The following ANKRD18B variants were observed in gnomAD, a reference collection of about 807,000 sequenced individuals.
The protein encoded by ANKRD18B is ankyrin repeat domain-containing protein 18B.
In ANKRD18B, 75 loss-of-function variants were observed where a neutral mutation model predicts 111.8. That is an observed-to-expected ratio of 0.67 (90% confidence interval 0.56 to 0.81). The LOEUF (loss-of-function observed/expected upper bound fraction) is 0.81. Among genes scored for constraint, ANKRD18B ranks in the 40% least tolerant of loss-of-function variants. The probability of loss-of-function intolerance (pLI) is 0.00; values close to 1 mark genes in which losing one functional copy is unlikely to be tolerated. For missense variants in ANKRD18B, 1,038 were observed against 1,225.5 expected (o/e 0.85, Z 2.28); for synonymous variants, 356 against 417.3 (o/e 0.85, Z 1.79).
rs1326487362 is a variant in ANKRD18B, at chr9:33,568,695, C to CTGCT, written c.2979_2980insTGCT (p.Ser994CysfsTer2). The CTGCT allele has an allele frequency of 1.2e-5, 18 of 1,548,124 alleles. No homozygotes were observed. The highest frequency in any genetic ancestry group is 1.5e-5 in the Non-Finnish European group (17 of 1,145,648). ...GATCGGATAAGAAAATAGCTGTGAT[C>CTGCT]AGCACCAAGCTCTTTATGGAGAAAG... On this transcript the variant is annotated frameshift_variant, in exon 17 of 19. Transcript: ENST00000684830. LOFTEE classifies it high-confidence loss of function.
chr9:33,573,518 G>T (rs923068057), downstream of ANKRD18B, among the ~76,000 whole-genome samples: 1 of 144,970 alleles, frequency 6.9e-6, no homozygotes, highest in African/African-American at 2.4e-5. Context: ...AAGATGGCAT[G>T]TCCAGGCAGT....
Position 33,530,828 on chromosome 9 carries a change from A to C in ANKRD18B, c.495+1655A>C, listed in dbSNP as rs946582324. The stretch of plus-strand genomic sequence containing the variant: ...CATGAATCATTCACTGCCATTCAGA[A>C]AGTCTTTAGCAATTTACTTGTGGGT... On this transcript the variant is annotated intron_variant, in intron 3 of 18. Coordinates refer to ENST00000684830, the MANE Select transcript of ANKRD18B (RefSeq NM_001393611.1). Among the ~76,000 whole-genome samples, 26 of 152,322 alleles carry C rather than the reference A, an allele frequency of 1.7e-4. No individual in the cohort carries two copies. In the East Asian group the frequency reaches 1.7e-3, roughly 10 times the overall value.
rs112281766 is a variant in ANKRD18B at position 33,548,098 on chromosome 9, A to T, written c.1310A>T (p.Asn437Ile). The T allele has an allele frequency of 5.6e-3, 8,658 of 1,533,242 alleles. 349 individuals are homozygous for T. The African/African-American group carries it at 0.096, about 17-fold the overall frequency. The allele number at this position is 1,533,242 out of a possible 1,614,324, so 95.0% of individuals were successfully genotyped here. Residue 437 changes from asparagine to isoleucine, a missense_variant, in exon 11 of 19, where the codon AAT (asparagine) becomes ATT (isoleucine). Around this residue, in one of 4 missense-constraint regions of ANKRD18B, gnomAD observed 205 missense variants for 201.3 expected, o/e 1.02. Coordinates refer to ENST00000684830, the MANE Select transcript of ANKRD18B (RefSeq NM_001393611.1). ...GAAATTAAAAGTATTACAGAAATAA[A>T]TGCTAACTTTGAAAAGAGTGTAAGA... ...IQEIKSITEI[N>I]ANFEKSVRLN... is the part of the protein sequence containing the mutation.
chr9:33,555,908 A>G (rs558995300), intron 13 of ANKRD18B, 88 bp downstream of exon 13: 22 of 857,844 alleles, frequency 2.6e-5, no homozygotes, highest in Admixed American at 4.1e-5. Context: ...ATACAAATTC[A>G]TTTTATGTCT....
chr9:33,555,989 TGTGAGCA>T (rs1306546536), intron 13 of ANKRD18B, among the ~76,000 whole-genome samples, 169 bp downstream of exon 13: 23 of 152,272 alleles, frequency 1.5e-4, no homozygotes, highest in African/African-American at 5.5e-4. Flanking sequence ...TTTATAGGCA[TGTGAGCA>T]GGAGTCCATG....
At chr9:33,544,856 A>G (rs1428439891) in intron 10 of ANKRD18B, among the ~76,000 whole-genome samples, 2 of 151,738 alleles carry the variant, frequency 1.3e-5, no homozygotes, top group Non-Finnish European at 2.9e-5. Context: ...AATTCATTAC[A>G]AAAAAGTTCA....
intron 14 of ANKRD18B, among the ~76,000 whole-genome samples, chr9:33,560,980 T>G (rs1828597367): frequency 6.6e-6 from 1 of 152,132 alleles, no homozygotes; most frequent in South Asian, 2.1e-4. Flanking sequence ...AATATAGTAA[T>G]AATGCTGCTG....
At chr9:33,558,270 G>T in intron 14 of ANKRD18B, 83 bp downstream of exon 14, 1 of 1,447,694 alleles carries the variant, frequency 6.9e-7, no homozygotes. Flanking sequence ...GTAAATGTGT[G>T]CCATGATGGT....
rs111463114 is a variant in ANKRD18B, at chr9:33,548,659, A to T, written c.1871A>T (p.Asn624Ile). 6.5e-5 allele frequency: 101 copies of T among 1,551,306 alleles called. No homozygotes were observed. The African/African-American group carries it at 1.3e-3, about 20-fold the overall frequency. ...AGAATACGTCAACGAGAACTTGAAAATCTCTTGCTTGAACGACAACTAGAG... is the reference window on the plus strand; with the variant it reads ...AGAATACGTCAACGAGAACTTGAAATTCTCTTGCTTGAACGACAACTAGAG... ...EERIRQRELE[N>I]LLLERQLEDA... Residue 624 changes from asparagine to isoleucine, a missense_variant, in exon 11 of 19, where the codon AAT (asparagine) becomes ATT (isoleucine). By Grantham distance (149) the Asn-to-Ile change is moderately radical (BLOSUM62 -3). Coordinates refer to ENST00000684830, the MANE Select transcript of ANKRD18B (RefSeq NM_001393611.1).
Position 33,566,354 on chromosome 9 carries a change from A to T in ANKRD18B, c.2596A>T (p.Lys866Ter). 1 of 1,572,972 alleles carries T rather than the reference A, an allele frequency of 6.4e-7. No individual in the cohort carries two copies. Among genetic ancestry groups the T allele is most frequent in the Non-Finnish European group, 8.7e-7 (1 of 1,155,644 alleles). Residue 866 changes from lysine to a stop codon, truncating the protein, a stop_gained, in exon 15 of 19, where the codon AAA becomes TAA. Coordinates refer to ENST00000684830, the MANE Select transcript of ANKRD18B (RefSeq NM_001393611.1). LOFTEE classifies it high-confidence loss of function. ...QEKCEKLEKD[K>*]KMLEEKVLNL... is the part of the protein sequence containing the mutation. ...GAAATGTGAAAAACTTGAGAAGGAT[A>T]AAAAGATGTTGGAAGAAAAAGTATT...
chr9:33,573,053 T>C, downstream of ANKRD18B: 1 of 671,078 alleles, frequency 1.5e-6, no homozygotes, highest in East Asian at 4.3e-5. Context: ...AGGCCAGTGG[T>C]AGACATTTCA....
At chr9:33,540,726 G>C (rs536792821) in intron 8 of ANKRD18B, among the ~76,000 whole-genome samples, 1 of 152,006 alleles carries the variant, frequency 6.6e-6, no homozygotes, top group Non-Finnish European at 1.5e-5. Context: ...TCTTTTTCAA[G>C]AACGATTTAA....
chr9:33,550,304 A>G, intron 11 of ANKRD18B, 126 bp from the exon 12 acceptor site: 1 of 1,019,966 alleles, frequency 9.8e-7, no homozygotes, highest in Admixed American at 3.0e-5. Flanking sequence ...AAGTGTACAT[A>G]TGAGGAAAAG....
chr9:33,538,598 T>C (rs570673731), intron 6 of ANKRD18B, among the ~76,000 whole-genome samples: 1 of 152,052 alleles, frequency 6.6e-6, no homozygotes, highest in East Asian at 1.9e-4. Flanking sequence ...TAGCCAGGCA[T>C]GGGGGTGGGC....
Position 33,567,100 on chromosome 9 carries a change from T to C in ANKRD18B, c.2743-3T>C. 2 of 1,520,702 alleles carry C rather than the reference T, an allele frequency of 1.3e-6. No homozygotes were observed. The highest frequency in any genetic ancestry group is 2.5e-5 in the East Asian group (1 of 40,588). The allele number at this position is 1,520,702 out of a possible 1,614,324, so 94.2% of individuals were successfully genotyped here. Reference sequence around the variant, plus strand: ...AAAAGTGTATTCTTTTCATTTGTTTTAGAAACAAGCAGAATATGAAAAACA... The same window carrying C: ...AAAAGTGTATTCTTTTCATTTGTTTCAGAAACAAGCAGAATATGAAAAACA... On this transcript the variant is annotated splice_region_variant and splice_polypyrimidine_tract_variant and intron_variant, in intron 15 of 18. Coordinates refer to ENST00000684830, the MANE Select transcript of ANKRD18B (RefSeq NM_001393611.1).
chr9:33,538,525 C>T (rs1284406805), intron 6 of ANKRD18B, among the ~76,000 whole-genome samples: 1 of 152,126 alleles, frequency 6.6e-6, no homozygotes, highest in Non-Finnish European at 1.5e-5. Context: ...CACTTGAGGT[C>T]AGGAGTTTGA....
intron 14 of ANKRD18B, 28 bp downstream of exon 14, chr9:33,558,215 T>A (rs756122954): frequency 6.3e-7 from 1 of 1,581,130 alleles, no homozygotes; most frequent in South Asian, 1.2e-5. Flanking sequence ...TATTTTATCT[T>A]AAGGTCTAGA....
At chr9:33,561,244 G>A (rs868533762) in intron 14 of ANKRD18B, among the ~76,000 whole-genome samples, 38 of 152,182 alleles carry the variant, frequency 2.5e-4, no homozygotes, top group African/African-American at 8.4e-4. Flanking sequence ...GTGGTGTGAA[G>A]TGATACCACA....
chr9:33,557,308 C>CT (rs1828541194), intron 13 of ANKRD18B, among the ~76,000 whole-genome samples: 1 of 151,788 alleles, frequency 6.6e-6, no homozygotes, highest in Admixed American at 6.6e-5. Context: ...TTTGGGTGTA[C>CT]TTTTTTTTCT....
Sources: gnomAD v4.1 joint callset for allele counts (sites outside exome capture counted in the v4.1 genomes callset) on GRCh38, gnomAD v4.1.1 for gene constraint, gnomAD v4.1.1 regional missense constraint, MANE v1.5 for transcripts, NCBI Gene and HGNC (gene_info 2026-07-23, HGNC 2026-07-21) for gene names.